Variants in NUCKS1 observed in about 807,000 individuals in gnomAD.
NUCKS1 encodes the protein nuclear ubiquitous casein and cyclin-dependent kinase substrate 1.
Under a neutral mutation model 33.0 loss-of-function variants are expected in NUCKS1, and 2 were observed. The observed-to-expected ratio is 0.06, with a 90% CI of 0.02 to 0.19. The LOEUF (loss-of-function observed/expected upper bound fraction) is 0.19, where lower values mean the gene tolerates loss of function less well. Ranked by LOEUF, NUCKS1 falls within the 10% of genes least tolerant of loss-of-function variation. NUCKS1 has a pLI of 1.00. For synonymous variants in NUCKS1, 106 were observed against 102.8 expected (o/e 1.03, Z -0.19); for missense variants, 201 against 293.6 (o/e 0.68, Z 2.31).
At chr1:205,725,338 T>C (rs1366125823) in intron 3 of NUCKS1, among the ~76,000 whole-genome samples, 2 of 152,224 alleles carry the variant, frequency 1.3e-5, no homozygotes, top group Non-Finnish European at 2.9e-5. Flanking sequence ...CTTTCTCAAA[T>C]AGCAGGTCTT....
At chr1:205,720,099 G>A (rs823093) in intron 5 of NUCKS1, among the ~76,000 whole-genome samples, 133,768 of 152,138 alleles carry the variant, frequency 0.88, 59,792 homozygotes, top group Non-Finnish European at 0.97. Flanking sequence ...AAATACATAG[G>A]ATTAACTAAT....
At chr1:205,740,530 G>C (rs118144941) in intron 1 of NUCKS1, among the ~76,000 whole-genome samples, 1 of 151,924 alleles carries the variant, frequency 6.6e-6, no homozygotes, top group Non-Finnish European at 1.5e-5. Flanking sequence ...TGGGAGGATC[G>C]CTTGAGCCCA....
intron 1 of NUCKS1, among the ~76,000 whole-genome samples, chr1:205,740,001 T>TTG (rs1161322044): frequency 7.4e-6 from 1 of 135,484 alleles, no homozygotes; most frequent in Non-Finnish European, 1.6e-5. Context: ...CTTTAGGTTT[T>TTG]TTTTTTTTTT....
chr1:205,749,785 C>G (rs1406594783), intron 1 of NUCKS1, among the ~76,000 whole-genome samples, 172 bp downstream of exon 1: 1 of 151,370 alleles, frequency 6.6e-6, no homozygotes, highest in Non-Finnish European at 1.5e-5. Flanking sequence ...GCAGCCACCA[C>G]CCCCGCGCGC....
chr1:205,722,672 T>C (rs1094649), intron 4 of NUCKS1, among the ~76,000 whole-genome samples: 145,470 of 152,350 alleles, frequency 0.95, 69,822 homozygotes, highest in East Asian at 1. Context: ...GGATGGCGGG[T>C]GGGAGCCACC....
chr1:205,721,710 G>C (rs1185362553), intron 4 of NUCKS1, among the ~76,000 whole-genome samples: 2 of 145,612 alleles, frequency 1.4e-5, no homozygotes, highest in East Asian at 4.0e-4. Context: ...TTTTGCTCTT[G>C]TTGCCCAGGC....
At chr1:205,741,817 CAG>C (rs1654183042) in intron 1 of NUCKS1, among the ~76,000 whole-genome samples, 1 of 152,130 alleles carries the variant, frequency 6.6e-6, no homozygotes, top group Non-Finnish European at 1.5e-5. Context: ...AGGGTAGATG[CAG>C]AGTTTTGTGT....
At position 205,718,267 on chromosome 1, in the gene NUCKS1, A is replaced by C; in HGVS notation, c.*13T>G. On this transcript the variant is annotated 3_prime_UTR_variant, in exon 7 of 7. Transcript: ENST00000367142. ...TTTTTTTAATAAAATCTCTCCCCAG[A>C]CCATCATCACTTTTAATCCTCCCCA... The C allele has an allele frequency of 6.3e-7, 1 of 1,588,774 alleles. No individual in the cohort carries two copies. The highest frequency in any genetic ancestry group is 8.5e-7 in the Non-Finnish European group (1 of 1,170,366).
intron 1 of NUCKS1, among the ~76,000 whole-genome samples, chr1:205,740,395 G>T (rs1654138670): frequency 6.6e-6 from 1 of 151,974 alleles, no homozygotes; most frequent in Non-Finnish European, 1.5e-5. Flanking sequence ...GAGATGGCAG[G>T]ATTGCTTGAG....
intron 4 of NUCKS1, among the ~76,000 whole-genome samples, chr1:205,722,941 T>C (rs12079737): frequency 6.6e-6 from 1 of 152,172 alleles, no homozygotes; most frequent in East Asian, 1.9e-4. Flanking sequence ...CTAAACCCAC[T>C]TGGTAGAAGC....
At chr1:205,724,703 C>G (rs1014500961) in intron 3 of NUCKS1, among the ~76,000 whole-genome samples, 5 of 151,426 alleles carry the variant, frequency 3.3e-5, no homozygotes, top group Admixed American at 1.3e-4. Flanking sequence ...CCACCCCCCC[C>G]AAAAAAAGGA....
At chr1:205,744,059 G>A (rs75152324) in intron 1 of NUCKS1, among the ~76,000 whole-genome samples, 227 of 152,274 alleles carry the variant, frequency 1.5e-3, no homozygotes, top group Admixed American at 3.5e-3. Context: ...CCTGTCAGGT[G>A]TATCTCCCCT....
At position 205,750,119 on chromosome 1, in the gene NUCKS1, G is replaced by T; in HGVS notation, c.-146C>A. ...AGCTGCTGGCTTCTCAAACTCCGCT[G>T]CTCTTTGGTTCAGGGCTCCTGGAAC... On this transcript the variant is annotated 5_prime_UTR_variant, in exon 1 of 7. Transcript: ENST00000367142. 1.1e-5 allele frequency: 9 copies of T among 835,702 alleles called. No individual in the cohort carries two copies. The South Asian group carries it at 1.1e-4, about 10-fold the overall frequency. 51.8% of individuals were successfully genotyped at this position (835,702 alleles called of 1,614,324 possible).
At chr1:205,744,631 T>TTTTTTG (rs1491282426) in intron 1 of NUCKS1, among the ~76,000 whole-genome samples, 2 of 3,728 alleles carry the variant, frequency 5.4e-4, no homozygotes, top group Non-Finnish European at 1.4e-3. Flanking sequence ...TTCACTAGAG[T>TTTTTTG]TTTTTTTTTT....
At position 205,718,308 on chromosome 1, in the gene NUCKS1, T is replaced by A. The variant is rs770870515; in HGVS notation, c.704A>T (p.Glu235Val). 5 of 1,613,462 alleles carry A rather than the reference T, an allele frequency of 3.1e-6. No homozygotes were observed. The highest frequency in any genetic ancestry group is 4.2e-6 in the Non-Finnish European group (5 of 1,179,898). The change falls in exon 7 of 7, where the codon GAA becomes GTA. Residue 235 changes from glutamate to valine, a missense_variant. Physicochemically the swap from Glu to Val is moderately radical, Grantham distance 121. Transcript: ENST00000367142. ...ATCCTCCCCAGAAGGGGCTTCATCTTCAGACCCTTCATCCCCAGATTTCTC... is the reference window on the plus strand; with the variant it reads ...ATCCTCCCCAGAAGGGGCTTCATCTACAGACCCTTCATCCCCAGATTTCTC... ...PPEKSGDEGS[E>V]DEAPSGED
intron 3 of NUCKS1, 39 bp from the exon 4 acceptor site, chr1:205,724,020 T>C (rs1671963773): frequency 1.8e-5 from 26 of 1,437,532 alleles, no homozygotes; most frequent in Non-Finnish European, 2.5e-5. Context: ...ATAAAAGTCT[T>C]AGCTCAAAAT....
chr1:205,749,528 G>A (rs2102453705), intron 1 of NUCKS1, among the ~76,000 whole-genome samples: 1 of 152,004 alleles, frequency 6.6e-6, no homozygotes, highest in Non-Finnish European at 1.5e-5. Context: ...CAATACGGGT[G>A]CCTCCGCCCC....
At position 205,749,333 on chromosome 1, in the gene NUCKS1, G is replaced by A. The variant is rs558761170; in HGVS notation, c.17+624C>T. On this transcript the variant is annotated intron_variant, in intron 1 of 6. Transcript: ENST00000367142. ...CAGTCCCGAACTCTCACTTTTGCCC[G>A]GGGGGAAAAAAACGGGTCCCGCCCA... 3.2e-4 allele frequency among the ~76,000 whole-genome samples: 49 copies of A among 151,680 alleles called. 1 individual carries two copies. Among genetic ancestry groups the A allele is most frequent in the Admixed American group, 1.6e-3 (24 of 15,288 alleles).
intron 6 of NUCKS1, 59 bp from the exon 7 acceptor site, chr1:205,718,538 CA>C: frequency 1.3e-6 from 2 of 1,589,418 alleles, no homozygotes; most frequent in South Asian, 1.1e-5. Flanking sequence ...TAATAAAAGT[CA>C]GCTACAAAAT....
Sources: allele counts gnomAD v4.1 joint callset (sites outside exome capture counted in the v4.1 genomes callset), GRCh38; gene constraint gnomAD v4.1.1; transcripts MANE v1.5; gene names NCBI Gene and HGNC (gene_info 2026-07-23, HGNC 2026-07-21).